The following DYNC1I1 variants were observed in gnomAD, a reference collection of about 807,000 sequenced individuals.
DYNC1I1 encodes cytoplasmic dynein 1 intermediate chain 1.
DYNC1I1 carries 43 observed loss-of-function variants against 86.6 expected under a neutral mutation model. That is an observed-to-expected ratio of 0.50 (90% CI 0.39 to 0.64). DYNC1I1 has a LOEUF of 0.64. DYNC1I1 is among the 30% of genes least tolerant of loss of function. DYNC1I1 has a pLI of 0.00. For synonymous variants in DYNC1I1, 262 were observed against 283.7 expected (o/e 0.92, Z 0.77); for missense variants, 604 against 788.8 (o/e 0.77, Z 2.81).
intron 10 of DYNC1I1, among the ~76,000 whole-genome samples, chr7:96,008,838 A>G (rs978571280): frequency 6.6e-6 from 1 of 152,184 alleles, no homozygotes; most frequent in African/African-American, 2.4e-5. Flanking sequence ...TATATTCTCC[A>G]CCTTGGAACA....
At chr7:95,775,539 T>G (rs982168695) in intron 1 of DYNC1I1, among the ~76,000 whole-genome samples, 5 of 152,206 alleles carry the variant, frequency 3.3e-5, no homozygotes, top group Non-Finnish European at 7.3e-5. Flanking sequence ...TCAGGTTTGC[T>G]CTCCAATTTC....
intron 4 of DYNC1I1, among the ~76,000 whole-genome samples, chr7:95,827,849 G>C (rs1370312402): frequency 2.0e-5 from 3 of 152,090 alleles, no homozygotes; most frequent in South Asian, 4.1e-4. Context: ...CATAGCTCCC[G>C]ATATTAAACA....
rs545770332 is a variant in DYNC1I1 at position 96,040,174 on chromosome 7, C to T, written c.1509+753C>T. Among the ~76,000 whole-genome samples, 108 of 152,130 alleles carry T rather than the reference C, an allele frequency of 7.1e-4. 2 individuals carry two copies. Among genetic ancestry groups the T allele is most frequent in the South Asian group, 5.8e-3 (28 of 4,814 alleles). ...ACTTGAACCTGTCAGGCAGAGGTTG[C>T]AGTGAGCCGAGATTGGGCCACTGCA... On this transcript the variant is annotated intron_variant, in intron 14 of 16. Transcript: ENST00000447467.
rs140341759 is a variant in DYNC1I1 at position 96,012,545 on chromosome 7, T to C, written c.970-15630T>C. ...TTATATTCTATCAGGTGAAAGAAAG[T>C]GAAATAGAACTAGGGTACATTTTTA... On this transcript the variant is annotated intron_variant, in intron 10 of 16. Coordinates refer to ENST00000447467, the MANE Select transcript of DYNC1I1 (RefSeq NM_001135556.2). 4.6e-5 allele frequency among the ~76,000 whole-genome samples: 7 copies of C among 152,290 alleles called. No homozygotes were observed. In the East Asian group the frequency reaches 1.4e-3, roughly 29 times the overall value.
chr7:96,058,315 G>T (rs917071681), intron 14 of DYNC1I1, among the ~76,000 whole-genome samples: 1 of 152,106 alleles, frequency 6.6e-6, no homozygotes, highest in Non-Finnish European at 1.5e-5. Flanking sequence ...AACGTGACAC[G>T]ATCTCTGGTG....
In DYNC1I1 at chr7:96,097,565, A is replaced by T. The variant is rs1252391059; in HGVS notation, c.1859A>T (p.Glu620Val). Residue 620 changes from glutamate (E) to valine (V), a missense_variant, in exon 17 of 17, where the codon GAG becomes GTG. Glu to Val is a moderately radical substitution (Grantham distance 121). Coordinates refer to ENST00000447467, the MANE Select transcript of DYNC1I1 (RefSeq NM_001135556.2). ...EIRANRADSE[E>V]EGTVELSA ...CGTGCTAACAGAGCTGATAGCGAGG[A>T]GGAAGGCACTGTTGAGTTATCTGCC... 2.5e-6 allele frequency: 4 copies of T among 1,613,802 alleles called. No individual in the cohort carries two copies. The highest frequency in any genetic ancestry group is 3.4e-6 in the Non-Finnish European group (4 of 1,179,778).
intron 16 of DYNC1I1, 107 bp downstream of exon 16, chr7:96,080,595 C>T (rs762146545): frequency 4.6e-5 from 72 of 1,582,278 alleles, no homozygotes; most frequent in Admixed American, 6.8e-5. Context: ...CCCTCTCTAA[C>T]GTGCTTGTAA....
At chr7:95,936,014 C>T (rs887848647) in intron 6 of DYNC1I1, among the ~76,000 whole-genome samples, 2 of 151,940 alleles carry the variant, frequency 1.3e-5, no homozygotes, top group Non-Finnish European at 1.5e-5. Context: ...TACAGTAACA[C>T]AGATAATTTC....
rs1000008779 is a variant in DYNC1I1 at position 95,887,770 on chromosome 7, A to G, written c.490+17772A>G. 2.6e-5 allele frequency among the ~76,000 whole-genome samples: 4 copies of G among 152,110 alleles called. No individual in the cohort carries two copies. The East Asian group carries it at 7.7e-4, about 29-fold the overall frequency. On this transcript the variant is annotated intron_variant, in intron 6 of 16. Transcript: ENST00000447467. ...GACTGGGCCCAAAGTCCATCCCCTA[A>G]TAGTGAGAATGCTTATTTTAGAGCC...
At chr7:95,851,108 G>T (rs1416935268) in intron 5 of DYNC1I1, among the ~76,000 whole-genome samples, 2 of 106,728 alleles carry the variant, frequency 1.9e-5, no homozygotes, top group African/African-American at 2.7e-5. Context: ...CTAATTTTTT[G>T]ATTTTTTGAA....
chr7:95,781,907 C>A (rs536756529), intron 1 of DYNC1I1, among the ~76,000 whole-genome samples: 1 of 152,054 alleles, frequency 6.6e-6, no homozygotes, highest in Non-Finnish European at 1.5e-5. Flanking sequence ...ACCAGAATTC[C>A]GACTCATTGG....
intron 7 of DYNC1I1, among the ~76,000 whole-genome samples, chr7:95,984,047 G>A (rs2283009): frequency 6.6e-6 from 1 of 152,010 alleles, no homozygotes. Context: ...TAACCAAATG[G>A]TGACTCTAAG....
intron 6 of DYNC1I1, among the ~76,000 whole-genome samples, chr7:95,916,730 T>C (rs540933601): frequency 6.6e-6 from 1 of 152,146 alleles, no homozygotes; most frequent in Non-Finnish European, 1.5e-5. Flanking sequence ...CGCTTTGTCC[T>C]GTCTTGGATT....
At chr7:96,050,936 T>C (rs1269911988) in intron 14 of DYNC1I1, among the ~76,000 whole-genome samples, 1 of 152,332 alleles carries the variant, frequency 6.6e-6, no homozygotes, top group Admixed American at 6.5e-5. Context: ...TTCTGTTGAG[T>C]ACCAACTCTT....
chr7:96,039,249 A>T (rs778454595), intron 13 of DYNC1I1, 28 bp from the exon 14 acceptor site: 1 of 1,592,438 alleles, frequency 6.3e-7, no homozygotes, highest in South Asian at 1.1e-5. Flanking sequence ...GGTCACTGGA[A>T]TTCTGCTCAT....
At chr7:95,875,586 A>G (rs1343845021) in intron 6 of DYNC1I1, among the ~76,000 whole-genome samples, 1 of 152,164 alleles carries the variant, frequency 6.6e-6, no homozygotes, top group Non-Finnish European at 1.5e-5. Flanking sequence ...CTCTGAGATC[A>G]TGGTCAATTG....
intron 14 of DYNC1I1, among the ~76,000 whole-genome samples, chr7:96,047,986 C>T (rs1450897400): frequency 6.6e-6 from 1 of 151,892 alleles, no homozygotes; most frequent in Non-Finnish European, 1.5e-5. Flanking sequence ...AAAAGGCTTA[C>T]AAGTAAGTTT....
chr7:96,000,532 A>G (rs541341550), intron 10 of DYNC1I1, among the ~76,000 whole-genome samples: 2 of 152,334 alleles, frequency 1.3e-5, no homozygotes, highest in South Asian at 2.1e-4. Flanking sequence ...CGGAAAAGGC[A>G]TAAGGGAATA....
intron 4 of DYNC1I1, among the ~76,000 whole-genome samples, chr7:95,814,426 A>T (rs1794902198): frequency 6.6e-6 from 1 of 152,186 alleles, no homozygotes; most frequent in Non-Finnish European, 1.5e-5. Flanking sequence ...TGTTCTAAGA[A>T]GTCAGCCTTT....
Sources: allele counts gnomAD v4.1 joint callset (sites outside exome capture counted in the v4.1 genomes callset), GRCh38; gene constraint gnomAD v4.1.1; transcripts MANE v1.5; gene names NCBI Gene and HGNC (gene_info 2026-07-23, HGNC 2026-07-21).